Variants in DPP8 observed in about 807,000 individuals in gnomAD.
DPP8 encodes dipeptidyl peptidase 8, also known as DPP VIII.
In DPP8, 31 loss-of-function variants were observed where a neutral mutation model predicts 107.5. The observed-to-expected ratio is 0.29, with a 90% CI of 0.22 to 0.39. DPP8 has a LOEUF of 0.39. Among genes scored for constraint, DPP8 ranks in the 10% least tolerant of loss-of-function variants. DPP8 has a pLI of 1.00. For synonymous variants in DPP8, 381 were observed against 356.6 expected (o/e 1.07, Z -0.77); for missense variants, 842 against 1,076.1 (o/e 0.78, Z 3.04).
intron 8 of DPP8, 114 bp downstream of exon 8, chr15:65,484,985 G>A (rs1257677712): frequency 3.7e-6 from 3 of 803,738 alleles, no homozygotes; most frequent in African/African-American, 1.8e-5. Flanking sequence ...ATGATCCACC[G>A]ATATCTCAGC....
chr15:65,483,430 G>A (rs1429283169), intron 8 of DPP8, among the ~76,000 whole-genome samples: 1 of 151,972 alleles, frequency 6.6e-6, no homozygotes, highest in Non-Finnish European at 1.5e-5. Flanking sequence ...GCGGAGGCAG[G>A]AGGATCACTT....
At chr15:65,466,987 C>A in intron 13 of DPP8, 84 bp downstream of exon 13, 3 of 1,536,494 alleles carry the variant, frequency 2.0e-6, no homozygotes, top group South Asian at 1.2e-5. Flanking sequence ...CTTTTGCAGG[C>A]CAATTTCACA....
chr15:65,483,308 T>C (rs2067100809), intron 8 of DPP8, among the ~76,000 whole-genome samples: 1 of 151,958 alleles, frequency 6.6e-6, no homozygotes, highest in African/African-American at 2.4e-5. Context: ...GAGGATCACT[T>C]GGGCCCAGGA....
chr15:65,475,162 G>C (rs2066267095), intron 11 of DPP8, among the ~76,000 whole-genome samples: 1 of 152,102 alleles, frequency 6.6e-6, no homozygotes, highest in Non-Finnish European at 1.5e-5. Flanking sequence ...CTGACACTGG[G>C]GTAAAGGAGG....
At chr15:65,506,857 T>C (rs2070099980) in intron 3 of DPP8, among the ~76,000 whole-genome samples, 2 of 151,806 alleles carry the variant, frequency 1.3e-5, no homozygotes, top group Admixed American at 1.3e-4. Context: ...AAGGTAAAAC[T>C]GAACTTTGTA....
chr15:65,456,782 T>C lies in DPP8; in HGVS notation c.1972-411A>G, dbSNP rs778382172. On this transcript the variant is annotated intron_variant, in intron 15 of 19. Coordinates refer to ENST00000300141, the MANE Select transcript of DPP8 (RefSeq NM_130434.5). ...GCTTGGCTTCCTCCACTGCCTACCA[T>C]TACCCTTCAGAATAAGTCTACATGG... 5.9e-5 allele frequency among the ~76,000 whole-genome samples: 9 copies of C among 152,250 alleles called. No homozygotes were observed. In the South Asian group the frequency reaches 1.0e-3, roughly 18 times the overall value.
chr15:65,496,141 G>A (rs2068577604), intron 5 of DPP8, among the ~76,000 whole-genome samples: 1 of 151,340 alleles, frequency 6.6e-6, no homozygotes, highest in Non-Finnish European at 1.5e-5. Context: ...CCGCCACCAC[G>A]CCCGGCTAAT....
In DPP8 at chr15:65,512,522, C is replaced by T; in HGVS notation, c.32G>A (p.Gly11Asp). The change falls in exon 2 of 20, where the codon GGT becomes GAT. Residue 11 changes from glycine to aspartate, a missense_variant. This residue lies in a region of DPP8 where 663 missense variants were observed against 758.0 expected (regional missense o/e 0.87). Transcript: ENST00000300141. MAAAMETEQL[G>D]VEIFETADCE... ...GTCCGCAGTTTCAAATATCTCAACACCCAGCTGTTCTGTTTCCATTGCTGC... is the reference window on the plus strand; with the variant it reads ...GTCCGCAGTTTCAAATATCTCAACATCCAGCTGTTCTGTTTCCATTGCTGC... 1 of 1,614,138 alleles carries T rather than the reference C, an allele frequency of 6.2e-7. No homozygotes were observed. The highest frequency in any genetic ancestry group is 8.5e-7 in the Non-Finnish European group (1 of 1,180,022).
intron 11 of DPP8, among the ~76,000 whole-genome samples, chr15:65,477,229 C>T (rs1595958711): frequency 6.6e-6 from 1 of 151,716 alleles, no homozygotes; most frequent in South Asian, 2.1e-4. Context: ...GAGACCAGCC[C>T]GGCCAAAATA....
intron 5 of DPP8, among the ~76,000 whole-genome samples, chr15:65,497,166 C>T (rs540091300): frequency 6.6e-6 from 1 of 152,320 alleles, no homozygotes; most frequent in East Asian, 1.9e-4. Context: ...CTTGGGACTA[C>T]AGGCATGAGC....
At chr15:65,506,574 T>C (rs752683634) in intron 3 of DPP8, among the ~76,000 whole-genome samples, 10 of 150,990 alleles carry the variant, frequency 6.6e-5, no homozygotes, top group African/African-American at 9.7e-5. Context: ...CCGGACAACA[T>C]AGCAAGACCC....
At chr15:65,514,561 T>C (rs1003238781) in intron 1 of DPP8, among the ~76,000 whole-genome samples, 3 of 152,146 alleles carry the variant, frequency 2.0e-5, no homozygotes, top group Admixed American at 6.5e-5. Flanking sequence ...CAGGGTAGAG[T>C]GCAGTGGCGC....
chr15:65,454,879 C>CT (rs1327991355), intron 16 of DPP8, among the ~76,000 whole-genome samples: 2 of 152,148 alleles, frequency 1.3e-5, no homozygotes, highest in African/African-American at 4.8e-5. Context: ...GTTGCCCCCT[C>CT]TCCCTCAAAT....
intron 14 of DPP8, among the ~76,000 whole-genome samples, chr15:65,466,351 T>C (rs1270977239): frequency 2.6e-5 from 4 of 152,292 alleles, no homozygotes; most frequent in East Asian, 3.9e-4. Context: ...TTGGCCAGGC[T>C]GGTCCCGAAC....
In DPP8 at chr15:65,497,904, G is replaced by T; in HGVS notation, c.675C>A (p.Ile225=). The change falls in exon 5 of 20, where the codon ATC becomes ATA. Residue 225 remains isoleucine, a synonymous_variant. Coordinates refer to ENST00000300141, the MANE Select transcript of DPP8 (RefSeq NM_130434.5). Reference sequence around the variant, plus strand: ...TGAGTCTCCTTTCTTCTCTGGTTACGATGTTAGATATCCAAATATCGTTGC... The same window carrying T: ...TGAGTCTCCTTTCTTCTCTGGTTACTATGTTAGATATCCAAATATCGTTGC... ...IHSNDIWISN[I]VTREERRLTY... 6.3e-7 allele frequency: 1 copy of T among 1,588,618 alleles called. No individual in the cohort carries two copies. Among genetic ancestry groups the T allele is most frequent in the Non-Finnish European group, 8.6e-7 (1 of 1,164,088 alleles).
At chr15:65,475,014 G>GT (rs564001900) in intron 11 of DPP8, among the ~76,000 whole-genome samples, 14 of 150,672 alleles carry the variant, frequency 9.3e-5, no homozygotes, top group Admixed American at 4.6e-4. Context: ...TCTTTTCGTT[G>GT]TTTTTTTTTC....
rs887468548 is a variant in DPP8 at position 65,492,159 on chromosome 15, T to C, written c.716-1860A>G. ...GAGTTTGAGACCAGCCTTGGCAACA[T>C]AGTGAAACCCCGCCTCTACAAAAAA... On this transcript the variant is annotated intron_variant, in intron 5 of 19. Coordinates refer to ENST00000300141, the MANE Select transcript of DPP8 (RefSeq NM_130434.5). 4.6e-5 allele frequency among the ~76,000 whole-genome samples: 7 copies of C among 151,858 alleles called. 1 individual carries two copies. The highest frequency in any genetic ancestry group is 2.1e-4 in the South Asian group (1 of 4,822).
In DPP8 at chr15:65,456,240, G is replaced by A; in HGVS notation, c.2103C>T (p.Ala701=). Residue 701 remains alanine, a synonymous_variant, in exon 16 of 20, where the codon GCC becomes GCT. Coordinates refer to ENST00000300141, the MANE Select transcript of DPP8 (RefSeq NM_130434.5). ...SCHRGLKFEG[A]FKYKMGQIEI... ...GCTCACACACCATTTTATATTTAAA[G>A]GCGCCTTCAAATTTAAGCCCTCGGT... 6.2e-7 allele frequency: 1 copy of A among 1,608,210 alleles called. No homozygotes were observed. Among genetic ancestry groups the A allele is most frequent in the African/African-American group, 1.3e-5 (1 of 74,672 alleles).
intron 3 of DPP8, among the ~76,000 whole-genome samples, chr15:65,502,411 C>G (rs1596099643): frequency 6.6e-6 from 1 of 151,888 alleles, no homozygotes; most frequent in Non-Finnish European, 1.5e-5. Context: ...GGCGTGGTGG[C>G]TCATGCCTGT....
Sources: allele counts gnomAD v4.1 joint callset (sites outside exome capture counted in the v4.1 genomes callset), GRCh38; gene constraint gnomAD v4.1.1; regional missense constraint gnomAD v4.1.1; transcripts MANE v1.5; gene names NCBI Gene and HGNC (gene_info 2026-07-23, HGNC 2026-07-21).